The following MDFIC2 variants were observed in gnomAD, a reference collection of about 807,000 sequenced individuals.
MDFIC2 encodes the protein MyoD family inhibitor domain containing 2, also known as myoD family inhibitor domain-containing protein 2.
At chr3:70,295,091 A>G (rs1702276710) in intron 2 of MDFIC2, among the ~76,000 whole-genome samples, 2 of 152,118 alleles carry the variant, frequency 1.3e-5, no homozygotes, top group African/African-American at 4.8e-5. Flanking sequence ...GGGCAGTGGG[A>G]CCATTATTGG....
intron 2 of MDFIC2, among the ~76,000 whole-genome samples, chr3:70,288,366 G>A (rs1214519560): frequency 2.9e-5 from 4 of 136,582 alleles, no homozygotes; most frequent in Non-Finnish European, 6.2e-5. Flanking sequence ...TAGTTGAGCG[G>A]TTTTGAGTGA....
intron 2 of MDFIC2, among the ~76,000 whole-genome samples, chr3:70,301,895 C>G (rs1007775867): frequency 6.6e-6 from 1 of 151,930 alleles, no homozygotes; most frequent in Admixed American, 6.6e-5. Flanking sequence ...ATATTTGATA[C>G]GTGAAAGAGG....
At chr3:70,267,016 T>C (rs1308099800) in intron 2 of MDFIC2, among the ~76,000 whole-genome samples, 6 of 152,218 alleles carry the variant, frequency 3.9e-5, no homozygotes, top group Non-Finnish European at 8.8e-5. Context: ...CATAGTTTTC[T>C]TAGCTAAACT....
chr3:70,197,579 T>C (rs1043037684), intron 3 of MDFIC2, among the ~76,000 whole-genome samples: 3 of 152,188 alleles, frequency 2.0e-5, no homozygotes, highest in African/African-American at 4.8e-5. Flanking sequence ...GCAGTTAGGA[T>C]TGGGGACAAG....
intron 2 of MDFIC2, among the ~76,000 whole-genome samples, chr3:70,252,103 A>C (rs1399713083): frequency 1.3e-5 from 2 of 152,196 alleles, no homozygotes; most frequent in Non-Finnish European, 2.9e-5. Context: ...CTGAAGCTGC[A>C]GCTTGAATTC....
intron 2 of MDFIC2, among the ~76,000 whole-genome samples, chr3:70,310,308 A>G (rs1460723208): frequency 1.3e-5 from 2 of 151,928 alleles, no homozygotes; most frequent in Non-Finnish European, 2.9e-5. Flanking sequence ...AATTGGGCAG[A>G]AATAATCATC....
chr3:70,290,342 G>T (rs1292421670), intron 2 of MDFIC2, among the ~76,000 whole-genome samples: 1 of 152,180 alleles, frequency 6.6e-6, no homozygotes, highest in Non-Finnish European at 1.5e-5. Context: ...GTGTGCCCCT[G>T]TTGGGGGGTG....
At chr3:70,247,898 G>A (rs1399486505) in intron 2 of MDFIC2, among the ~76,000 whole-genome samples, 5 of 151,994 alleles carry the variant, frequency 3.3e-5, no homozygotes, top group Non-Finnish European at 5.9e-5. Context: ...ATAAGTTTCT[G>A]TTTTCTGTAG....
chr3:70,265,157 T>C (rs1377272271), intron 2 of MDFIC2, among the ~76,000 whole-genome samples: 1 of 152,058 alleles, frequency 6.6e-6, no homozygotes, highest in African/African-American at 2.4e-5. Flanking sequence ...CAATTCAAGA[T>C]TGGGTGGGGA....
intron 2 of MDFIC2, among the ~76,000 whole-genome samples, chr3:70,212,938 C>T (rs902844370): frequency 2.0e-5 from 3 of 151,930 alleles, no homozygotes; most frequent in African/African-American, 7.2e-5. Context: ...GCACTATAGG[C>T]GTGCACCAAC....
intron 2 of MDFIC2, chr3:70,302,714 T>G (rs1338140094): frequency 6.6e-6 from 1 of 152,230 alleles, no homozygotes; most frequent in Non-Finnish European, 1.5e-5. Flanking sequence ...CTGGATTTGA[T>G]GTACTGCCTT....
chr3:70,272,979 G>T (rs532089930), intron 2 of MDFIC2, among the ~76,000 whole-genome samples: 2 of 152,116 alleles, frequency 1.3e-5, no homozygotes, highest in Admixed American at 6.6e-5. Flanking sequence ...GCATCTTTTC[G>T]GCTTCAGTCC....
At chr3:70,272,230 A>C (rs1559550590) in intron 2 of MDFIC2, 1 of 152,214 alleles carries the variant, frequency 6.6e-6, no homozygotes, top group Admixed American at 6.5e-5. Flanking sequence ...ATCACAATTA[A>C]AATGAAAAAT....
chr3:70,246,271 A>G (rs1262145900), intron 2 of MDFIC2, among the ~76,000 whole-genome samples: 1 of 152,090 alleles, frequency 6.6e-6, no homozygotes, highest in Non-Finnish European at 1.5e-5. Context: ...GGAGGAAAGG[A>G]TAAAGGTCAC....
chr3:70,270,557 T>C (rs9846850), intron 2 of MDFIC2, among the ~76,000 whole-genome samples: 71,362 of 151,956 alleles, frequency 0.47, 17,544 homozygotes, highest in East Asian at 0.75. Flanking sequence ...TTTCTTAGTC[T>C]GAGTTCAGTG....
chr3:70,248,456 T>C (rs1170441253), intron 2 of MDFIC2, among the ~76,000 whole-genome samples: 1 of 151,856 alleles, frequency 6.6e-6, no homozygotes, highest in Non-Finnish European at 1.5e-5. Flanking sequence ...GGGTTCAGGG[T>C]AGAAAGAATG....
intron 2 of MDFIC2, among the ~76,000 whole-genome samples, chr3:70,234,193 C>A (rs1469702658): frequency 6.6e-6 from 1 of 152,148 alleles, no homozygotes; most frequent in African/African-American, 2.4e-5. Context: ...TGAGACAATT[C>A]CACTTTTCAA....
At chr3:70,286,586 T>A (rs1266183671) in intron 2 of MDFIC2, among the ~76,000 whole-genome samples, 1 of 151,944 alleles carries the variant, frequency 6.6e-6, no homozygotes, top group Admixed American at 6.6e-5. Context: ...TTTTTTCCAA[T>A]TCTGTGAAGA....
intron 2 of MDFIC2, among the ~76,000 whole-genome samples, chr3:70,297,520 A>C (rs188749179): frequency 7.9e-5 from 12 of 152,262 alleles, no homozygotes; most frequent in Non-Finnish European, 1.5e-4. Context: ...TTAGACAGAA[A>C]TATGAAGGCT....
Sources: allele counts gnomAD v4.1 joint callset (sites outside exome capture counted in the v4.1 genomes callset), GRCh38; gene constraint gnomAD v4.1.1; transcripts MANE v1.5; gene names NCBI Gene and HGNC (gene_info 2026-07-23, HGNC 2026-07-21).